Variants in LPIN2 observed in about 807,000 individuals in gnomAD.
LPIN2 encodes phosphatidate phosphatase LPIN2.
In LPIN2, 55 loss-of-function variants were observed where a neutral mutation model predicts 111.4. The ratio of observed to expected loss-of-function variants is 0.49; its 90% CI spans 0.40 to 0.62. The LOEUF (loss-of-function observed/expected upper bound fraction) is 0.62, where lower values mean the gene tolerates loss of function less well. LPIN2 is among the 20% of genes least tolerant of loss of function. The pLI, the probability that LPIN2 is intolerant of heterozygous loss-of-function variation, is 0.00. For synonymous variants in LPIN2, 425 were observed against 414.0 expected (o/e 1.03, Z -0.32); for missense variants, 992 against 1,112.1 (o/e 0.89, Z 1.54).
At chr18:2,989,427 C>T (rs1393497927) in intron 1 of LPIN2, among the ~76,000 whole-genome samples, 2 of 151,956 alleles carry the variant, frequency 1.3e-5, no homozygotes, top group Non-Finnish European at 2.9e-5. Context: ...GAAAGACATC[C>T]GTGTTCGTGA....
intron 8 of LPIN2, 101 bp from the exon 9 acceptor site, chr18:2,931,544 G>T: frequency 8.6e-7 from 1 of 1,156,670 alleles, no homozygotes; most frequent in Non-Finnish European, 1.2e-6. Flanking sequence ...TAACACATCC[G>T]CTAAAAAGAA....
chr18:2,969,552 C>G (rs2077868924), intron 1 of LPIN2, among the ~76,000 whole-genome samples: 1 of 152,166 alleles, frequency 6.6e-6, no homozygotes, highest in African/African-American at 2.4e-5. Context: ...TATCTAACTT[C>G]TTTTTCCCCA....
At position 2,937,899 on chromosome 18, in the gene LPIN2, C is replaced by T. The variant is rs754949110; in HGVS notation, c.961G>A (p.Val321Ile). 3 of 1,614,144 alleles carry T rather than the reference C, an allele frequency of 1.9e-6. No individual in the cohort carries two copies. The highest frequency in any genetic ancestry group is 2.5e-6 in the Non-Finnish European group (3 of 1,180,026). ...VEKDASMEDT[V>I]CTIVKPKPRA... ...GGTTTGGGCTTCACTATGGTACAGA[C>T]AGTGTCTTCCATGGAAGCATCCTTC... is the stretch of plus-strand genomic sequence containing the variant. The change falls in exon 7 of 20, where the codon GTC becomes ATC. Residue 321 changes from valine to isoleucine, a missense_variant. By Grantham distance (29) the Val-to-Ile change is conservative (BLOSUM62 3). This residue lies in a region of LPIN2 where 709 missense variants were observed against 753.2 expected (regional missense o/e 0.94). Transcript: ENST00000677752.
chr18:2,942,951 C>T (rs1180388439), intron 4 of LPIN2, among the ~76,000 whole-genome samples: 13 of 152,200 alleles, frequency 8.5e-5, no homozygotes, highest in South Asian at 2.1e-4. Flanking sequence ...AAGATGTAAA[C>T]GGTGACTTTC....
chr18:2,977,616 C>G (rs1318175050), intron 1 of LPIN2, among the ~76,000 whole-genome samples: 1 of 151,982 alleles, frequency 6.6e-6, no homozygotes, highest in African/African-American at 2.4e-5. Flanking sequence ...ATCAAAAGAG[C>G]AAACGTATGT....
At chr18:2,920,482 T>C (rs903254303) in intron 19 of LPIN2, 45 bp from the exon 20 acceptor site, 2 of 1,609,678 alleles carry the variant, frequency 1.2e-6, no homozygotes, top group Non-Finnish European at 1.7e-6. Context: ...TACTTCAAGA[T>C]CGGTCAAAGG....
At chr18:2,937,104 A>AT (rs1336139182) in intron 7 of LPIN2, among the ~76,000 whole-genome samples, 5 of 152,280 alleles carry the variant, frequency 3.3e-5, no homozygotes, top group Admixed American at 2.6e-4. Context: ...TTACTCATCA[A>AT]TTGATTACAA....
chr18:2,975,459 C>T (rs1012967044), intron 1 of LPIN2, among the ~76,000 whole-genome samples: 5 of 152,100 alleles, frequency 3.3e-5, no homozygotes, highest in African/African-American at 1.2e-4. Flanking sequence ...CTCAGCCTCT[C>T]GAGTAGCCGG....
At chr18:3,000,247 C>G (rs2079510041) in intron 1 of LPIN2, among the ~76,000 whole-genome samples, 1 of 151,800 alleles carries the variant, frequency 6.6e-6, no homozygotes, top group Non-Finnish European at 1.5e-5. Flanking sequence ...CAAAATGGCC[C>G]CAATATCTGA....
Position 2,920,814 on chromosome 18 carries a change from T to G in LPIN2, c.2510A>C (p.Glu837Ala). Reference protein sequence around the residue: ...CRIFTVNPKGELIQERTKGNK... With the variant: ...CRIFTVNPKGALIQERTKGNK... The stretch of plus-strand genomic sequence containing the variant: ...TCCTTTGGTTCTTTCTTGTATTAAT[T>G]CACCCTTGGGGTTCACGGTGAATAT... The change falls in exon 19 of 20, where the codon GAA becomes GCA. Residue 837 changes from glutamate to alanine, a missense_variant. Coordinates refer to ENST00000677752, the MANE Select transcript of LPIN2 (RefSeq NM_001375808.2). 6.2e-7 allele frequency: 1 copy of G among 1,614,172 alleles called. No homozygotes were observed. The highest frequency in any genetic ancestry group is 8.5e-7 in the Non-Finnish European group (1 of 1,179,994).
intron 2 of LPIN2, 45 bp downstream of exon 2, chr18:2,960,604 T>G: frequency 6.3e-7 from 1 of 1,591,758 alleles, no homozygotes; most frequent in Non-Finnish European, 8.6e-7. Flanking sequence ...ACTCACTTTC[T>G]CTTTGAATCT....
At chr18:2,935,942 A>G (rs1327369919) in intron 7 of LPIN2, among the ~76,000 whole-genome samples, 1 of 152,220 alleles carries the variant, frequency 6.6e-6, no homozygotes. Flanking sequence ...TGCTAAGAAC[A>G]GGAGTCATTA....
intron 1 of LPIN2, chr18:2,977,060 T>C (rs2078030566): frequency 6.6e-6 from 1 of 151,908 alleles, no homozygotes; most frequent in African/African-American, 2.4e-5. Flanking sequence ...ATACAAAAAT[T>C]AGCCAGGTGT....
intron 2 of LPIN2, among the ~76,000 whole-genome samples, chr18:2,960,174 A>ATGTATGTGTGTG (rs1555678514): frequency 7.3e-6 from 1 of 136,542 alleles, no homozygotes; most frequent in Admixed American, 7.3e-5. Flanking sequence ...CGACTCAAAA[A>ATGTATGTGTGTG]TGTGTGTGTG....
At chr18:2,958,158 C>CAGA (rs1358238653) in intron 2 of LPIN2, among the ~76,000 whole-genome samples, 1 of 35,352 alleles carries the variant, frequency 2.8e-5, no homozygotes, top group East Asian at 7.8e-4. Context: ...AAAAAAAAAA[C>CAGA]AACAAAAAAA....
At chr18:2,984,558 G>C (rs896351840) in intron 1 of LPIN2, among the ~76,000 whole-genome samples, 1 of 151,970 alleles carries the variant, frequency 6.6e-6, no homozygotes, top group Non-Finnish European at 1.5e-5. Flanking sequence ...AGGAGAAAGA[G>C]AGATTAAAGA....
chr18:2,965,324 T>TG lies in LPIN2; in HGVS notation c.-9-4476dup, dbSNP rs570182163. ...ATAAAAGGACACACACTGGAATGAA[T>TG]GGTAGCTTTCAAGATTTCGTTATTC... On this transcript the variant is annotated intron_variant, in intron 1 of 19. Coordinates refer to ENST00000677752, the MANE Select transcript of LPIN2 (RefSeq NM_001375808.2). 2.8e-3 allele frequency among the ~76,000 whole-genome samples: 425 copies of TG among 152,360 alleles called. 1 individual carries two copies. Among genetic ancestry groups the TG allele is most frequent in the African/African-American group, 9.5e-3 (397 of 41,584 alleles).
chr18:2,920,367 G>T lies in LPIN2; in HGVS notation c.2617C>A (p.Pro873Thr), dbSNP rs757315664. The T allele has an allele frequency of 1.4e-5, 22 of 1,614,032 alleles. No homozygotes were observed. Among genetic ancestry groups the T allele is most frequent in the Non-Finnish European group, 1.8e-5 (21 of 1,180,050 alleles). ...LLSKEQNSAF[P>T]CPEFSSFCYW... ...CAGAAGGAGCTGAACTCCGGGCAGG[G>T]AAAAGCGGAATTCTGCTCCTTACTG... The change falls in exon 20 of 20, where the codon CCC (proline) becomes ACC (threonine). Residue 873 changes from proline to threonine, a missense_variant. Coordinates refer to ENST00000677752, the MANE Select transcript of LPIN2 (RefSeq NM_001375808.2).
intron 1 of LPIN2, among the ~76,000 whole-genome samples, chr18:3,005,263 T>C (rs1418508121): frequency 2.7e-5 from 4 of 150,408 alleles, no homozygotes. Flanking sequence ...GGCAGGAGAA[T>C]CGTTTAAACC....
Sources: allele counts gnomAD v4.1 joint callset (sites outside exome capture counted in the v4.1 genomes callset), GRCh38; gene constraint gnomAD v4.1.1; regional missense constraint gnomAD v4.1.1; transcripts MANE v1.5; gene names NCBI Gene and HGNC (gene_info 2026-07-23, HGNC 2026-07-21).